WDR72: variants seen among roughly 807,000 people sequenced by gnomAD.
The protein encoded by WDR72 is WD repeat-containing protein 72.
In WDR72, 120 loss-of-function variants were observed where a neutral mutation model predicts 124.2. The observed-to-expected ratio is 0.97, with a 90% confidence interval of 0.83 to 1.12. The LOEUF is 1.12. Among genes scored for constraint, WDR72 ranks in the 50% most tolerant of loss-of-function variants. The pLI is 0.00. For missense variants in WDR72, 1,387 were observed against 1,278.8 expected, an observed-to-expected ratio of 1.08 and a Z score of -1.29; for synonymous variants, 452 against 441.7, an observed-to-expected ratio of 1.02 and a Z score of -0.29.
intron 2 of WDR72, among the ~76,000 whole-genome samples, chr15:53,725,383 G>A (rs2017992573): frequency 6.6e-6 from 1 of 152,092 alleles, no homozygotes; most frequent in Admixed American, 6.6e-5. Context: ...AGCCACTTTG[G>A]AAAAGAGTAC....
chr15:53,709,882 C>G (rs571274564), intron 9 of WDR72, among the ~76,000 whole-genome samples: 3 of 152,184 alleles, frequency 2.0e-5, no homozygotes, highest in Non-Finnish European at 2.9e-5. Flanking sequence ...ATTAAGCAAA[C>G]CATCATTCTG....
At position 53,599,620 on chromosome 15, in the gene WDR72, C is replaced by T. The variant is rs2012951008; in HGVS notation, c.2953-2346G>A. On this transcript the variant is annotated intron_variant, in intron 17 of 19. Coordinates refer to ENST00000360509, the MANE Select transcript of WDR72 (RefSeq NM_182758.4). ...CACAATGTGTACAGACTATATTATA[C>T]CCCTCAGAATGGGTAGTTTGGCCAT... Among the ~76,000 whole-genome samples, 4 of 152,028 alleles carry T rather than the reference C, an allele frequency of 2.6e-5. No individual in the cohort carries two copies. In the South Asian group the frequency reaches 8.3e-4, roughly 32 times the overall value.
intron 14 of WDR72, among the ~76,000 whole-genome samples, chr15:53,624,852 A>G (rs764930232): frequency 1.2e-4 from 19 of 152,222 alleles, no homozygotes; most frequent in Non-Finnish European, 2.6e-4. Context: ...TTGAAAACAT[A>G]ATGACTATCA....
At chr15:53,672,491 C>T (rs928963282) in intron 13 of WDR72, among the ~76,000 whole-genome samples, 7 of 152,110 alleles carry the variant, frequency 4.6e-5, no homozygotes, top group African/African-American at 1.2e-4. Context: ...AATTTATAGG[C>T]ATCTACAGTT....
At chr15:53,663,763 T>C (rs899076583) in intron 14 of WDR72, among the ~76,000 whole-genome samples, 11 of 152,092 alleles carry the variant, frequency 7.2e-5, no homozygotes, top group Admixed American at 1.3e-4. Flanking sequence ...ATGGGGATGC[T>C]TGGCAGCTGG....
chr15:53,724,723 G>C (rs112873994), intron 2 of WDR72, among the ~76,000 whole-genome samples: 5 of 152,276 alleles, frequency 3.3e-5, no homozygotes, highest in East Asian at 1.9e-4. Context: ...TGGGGACACA[G>C]AGCCAAAACA....
At chr15:53,535,453 TAGGG>T (rs1041792983) in intron 18 of WDR72, among the ~76,000 whole-genome samples, 2 of 152,062 alleles carry the variant, frequency 1.3e-5, no homozygotes, top group Admixed American at 6.6e-5. Context: ...CAAAAACAAA[TAGGG>T]AGAGAGATTC....
At chr15:53,743,152 T>C (rs2018553337) in intron 1 of WDR72, among the ~76,000 whole-genome samples, 1 of 152,078 alleles carries the variant, frequency 6.6e-6, no homozygotes, top group Non-Finnish European at 1.5e-5. Context: ...ATTTTCACAT[T>C]ATGTATGTAT....
At chr15:53,760,565 C>G (rs2140910031), upstream of WDR72, among the ~76,000 whole-genome samples, 1 of 152,110 alleles carries the variant, frequency 6.6e-6, no homozygotes, top group East Asian at 1.9e-4. Flanking sequence ...CCACATTTTT[C>G]TTATCCATTT....
chr15:53,615,486 C>G lies in WDR72; in HGVS notation c.2720G>C (p.Arg907Thr). The change falls in exon 15 of 20, where the codon AGA (arginine) becomes ACA (threonine). Residue 907 changes from arginine to threonine, a missense_variant. Coordinates refer to ENST00000360509, the MANE Select transcript of WDR72 (RefSeq NM_182758.4). ...AACTAATTTATTAACTAAAAATAGT[C>G]TGCTCAACAAATAAACTATAGTATC... ...ESDTIVYLLSRLFLVNKLVNM... is the reference protein window; with the variant it reads ...ESDTIVYLLSTLFLVNKLVNM... The G allele has an allele frequency of 6.2e-7, 1 of 1,612,338 alleles. No individual in the cohort carries two copies. Among genetic ancestry groups the G allele is most frequent in the Non-Finnish European group, 8.5e-7 (1 of 1,179,186 alleles).
intron 1 of WDR72, among the ~76,000 whole-genome samples, chr15:53,740,315 T>G (rs1340218063): frequency 6.6e-6 from 1 of 151,530 alleles, no homozygotes; most frequent in Non-Finnish European, 1.5e-5. Context: ...TAATTTTTTT[T>G]TTTTTTTTTT....
At chr15:53,518,102 T>A (rs1013402857) in intron 19 of WDR72, among the ~76,000 whole-genome samples, 1 of 152,116 alleles carries the variant, frequency 6.6e-6, no homozygotes, top group East Asian at 1.9e-4. Context: ...AATTAGTAAA[T>A]TTCCATAAAT....
At chr15:53,592,522 TTTTA>T (rs769673688) in intron 18 of WDR72, among the ~76,000 whole-genome samples, 1 of 152,126 alleles carries the variant, frequency 6.6e-6, no homozygotes, top group Non-Finnish European at 1.5e-5. Context: ...AAATGCATGG[TTTTA>T]TTTAAACAAA....
At chr15:53,551,095 A>G (rs1893709562) in intron 18 of WDR72, among the ~76,000 whole-genome samples, 1 of 152,092 alleles carries the variant, frequency 6.6e-6, no homozygotes, top group African/African-American at 2.4e-5. Flanking sequence ...AGAGTAGGCA[A>G]TGGGAAAGAT....
chr15:53,664,904 C>T (rs1414369206), intron 14 of WDR72, among the ~76,000 whole-genome samples: 1 of 152,048 alleles, frequency 6.6e-6, no homozygotes, highest in Non-Finnish European at 1.5e-5. Context: ...TTGATATGTA[C>T]ATATAAACGG....
At chr15:53,741,731 A>ATT (rs145376508) in intron 1 of WDR72, among the ~76,000 whole-genome samples, 3 of 145,732 alleles carry the variant, frequency 2.1e-5, no homozygotes, top group African/African-American at 7.6e-5. Context: ...TGTGATCCAG[A>ATT]TTTTTTTTTT....
chr15:53,730,920 C>CTGATAATAGT, intron 2 of WDR72, among the ~76,000 whole-genome samples: 1 of 151,810 alleles, frequency 6.6e-6, no homozygotes, highest in Non-Finnish European at 1.5e-5. Flanking sequence ...GGAGTTTTCC[C>CTGATAATAGT]TGCTAATAGT....
At chr15:53,651,590 C>T (rs1210383327) in intron 14 of WDR72, among the ~76,000 whole-genome samples, 1 of 152,176 alleles carries the variant, frequency 6.6e-6, no homozygotes, top group South Asian at 2.1e-4. Context: ...TTAGGCCTAA[C>T]TGAGAAAATA....
chr15:53,635,689 G>A (rs561616631), intron 14 of WDR72, among the ~76,000 whole-genome samples: 4 of 152,020 alleles, frequency 2.6e-5, no homozygotes, highest in Admixed American at 6.6e-5. Flanking sequence ...TGGACTACTG[G>A]GGGGGATGGA....
Sources: gnomAD v4.1 joint callset for allele counts (sites outside exome capture counted in the v4.1 genomes callset) on GRCh38, gnomAD v4.1.1 for gene constraint, MANE v1.5 for transcripts, NCBI Gene and HGNC (gene_info 2026-07-23, HGNC 2026-07-21) for gene names.